Variants in FRMD3 observed in about 807,000 individuals in gnomAD.
The protein encoded by FRMD3 is FERM domain-containing protein 3.
FRMD3 carries 33 observed loss-of-function variants against 70.2 expected under a neutral mutation model. The ratio of observed to expected loss-of-function variants is 0.47; its 90% CI spans 0.36 to 0.63. FRMD3 has a LOEUF of 0.63. Among genes scored for constraint, FRMD3 ranks in the 20% least tolerant of loss-of-function variants. The pLI, the probability that FRMD3 is intolerant of heterozygous loss-of-function variation, is 0.00. For synonymous variants in FRMD3, 279 were observed against 255.9 expected, an observed-to-expected ratio of 1.09 and a Z score of -0.86; for missense variants, 632 against 711.4, an observed-to-expected ratio of 0.89 and a Z score of 1.27.
rs1832061504 is a variant in FRMD3 at position 83,245,729 on chromosome 9, TTA to T, written c.*2187_*2188del. The T allele has an allele frequency of 1.0e-6, 1 of 984,176 alleles. No individual in the cohort carries two copies. Among genetic ancestry groups the T allele is most frequent in the Non-Finnish European group, 1.2e-6 (1 of 829,024 alleles). The allele number at this position is 984,176 out of a possible 1,614,324, so 61.0% of individuals were successfully genotyped here. On this transcript the variant is annotated 3_prime_UTR_variant, in exon 14 of 14. Transcript: ENST00000304195. ...GTCATAGTCAGAACTTTAGAGAAAA[TTA>T]TATGACGCATGATCAGAAGGGGACT...
chr9:83,267,027 T>C, intron 13 of FRMD3: 1 of 1,550,976 alleles, frequency 6.4e-7, no homozygotes, highest in South Asian at 1.2e-5. Flanking sequence ...TTACGAGCTG[T>C]GACCTTGGAG....
chr9:83,482,576 T>C (rs1828592981), intron 1 of FRMD3, among the ~76,000 whole-genome samples: 1 of 152,124 alleles, frequency 6.6e-6, no homozygotes, highest in Non-Finnish European at 1.5e-5. Context: ...AGATAAGAAA[T>C]GCAAATTTTT....
chr9:83,315,545 T>C (rs1835536739), intron 6 of FRMD3, among the ~76,000 whole-genome samples: 1 of 152,094 alleles, frequency 6.6e-6, no homozygotes, highest in South Asian at 2.1e-4. Context: ...TGTTTACAAG[T>C]GTGTAGCACC....
intron 13 of FRMD3, among the ~76,000 whole-genome samples, chr9:83,264,900 TACCACGTGAAA>T (rs1833168274): frequency 6.6e-6 from 1 of 151,582 alleles, no homozygotes; most frequent in African/African-American, 2.4e-5. Context: ...AAAAATTAGA[TACCACGTGAAA>T]TTGCCAATTT....
At chr9:83,414,445 C>T (rs1016728146) in intron 1 of FRMD3, among the ~76,000 whole-genome samples, 2 of 151,900 alleles carry the variant, frequency 1.3e-5, no homozygotes, top group African/African-American at 2.4e-5. Flanking sequence ...TTAAACGGAA[C>T]ACAGAAAGCA....
rs112030440 is a variant in FRMD3 at position 83,457,872 on chromosome 9, T to C, written c.148-68164A>G. Among the ~76,000 whole-genome samples the C allele has an allele frequency of 7.0e-3, 1,065 of 152,152 alleles. 12 individuals are homozygous for C. Among genetic ancestry groups the C allele is most frequent in the African/African-American group, 0.024 (1,002 of 41,506 alleles). Reference sequence around the variant, plus strand: ...TGGTAATCACTTCACCATGTATACATATATCAAAACATCACATTGTACACT... The same window carrying C: ...TGGTAATCACTTCACCATGTATACACATATCAAAACATCACATTGTACACT... On this transcript the variant is annotated intron_variant, in intron 1 of 13. Coordinates refer to ENST00000304195, the MANE Select transcript of FRMD3 (RefSeq NM_174938.6).
chr9:83,577,702 A>G, the FRMD3 span, among the ~76,000 whole-genome samples: 1 of 152,038 alleles, frequency 6.6e-6, no homozygotes, highest in South Asian at 2.1e-4. Context: ...AAAGAACTGG[A>G]CTTTATTGTT....
At chr9:83,445,379 T>TAGACAGAC (rs150063251) in intron 1 of FRMD3, among the ~76,000 whole-genome samples, 81 of 150,978 alleles carry the variant, frequency 5.4e-4, no homozygotes, top group African/African-American at 1.9e-3. Context: ...GATAGATAGA[T>TAGACAGAC]AGACAGATAG....
chr9:83,549,344 C>T, the FRMD3 span, among the ~76,000 whole-genome samples: 1 of 152,006 alleles, frequency 6.6e-6, no homozygotes. Flanking sequence ...TTTGTTTATC[C>T]AGTTTGTTAC....
intron 1 of FRMD3, among the ~76,000 whole-genome samples, chr9:83,462,385 C>G (rs1828001144): frequency 6.6e-6 from 1 of 152,174 alleles, no homozygotes; most frequent in African/African-American, 2.4e-5. Context: ...GTCTTATCCT[C>G]TAGTCCTCAA....
chr9:83,317,130 T>TA (rs991948259), intron 6 of FRMD3, among the ~76,000 whole-genome samples: 143 of 146,648 alleles, frequency 9.8e-4, no homozygotes, highest in African/African-American at 3.3e-3. Flanking sequence ...GATCCTGTCT[T>TA]AAAAAAAAAA....
intron 1 of FRMD3, among the ~76,000 whole-genome samples, chr9:83,475,254 T>G (rs1260019316): frequency 6.6e-6 from 1 of 152,012 alleles, no homozygotes; most frequent in Admixed American, 6.6e-5. Context: ...GGGTGACAAT[T>G]TCACCAAAGA....
At chr9:83,553,673 T>C in the FRMD3 span, among the ~76,000 whole-genome samples, 2 of 152,230 alleles carry the variant, frequency 1.3e-5, no homozygotes, top group East Asian at 1.9e-4. Flanking sequence ...TGTGATGGCA[T>C]TGTGAAATTT....
chr9:83,335,160 A>C (rs1823534457), intron 6 of FRMD3, among the ~76,000 whole-genome samples: 1 of 152,210 alleles, frequency 6.6e-6, no homozygotes, highest in African/African-American at 2.4e-5. Flanking sequence ...AGCTATGGCC[A>C]CCGGTGGGAA....
At chr9:83,582,836 T>C in the FRMD3 span, among the ~76,000 whole-genome samples, 1 of 152,160 alleles carries the variant, frequency 6.6e-6, no homozygotes. Context: ...TTGGCCTAGA[T>C]TTGAGATCAG....
At chr9:83,372,799 C>CA (rs1035889964) in intron 3 of FRMD3, 114 bp downstream of exon 3, 2 of 916,808 alleles carry the variant, frequency 2.2e-6, no homozygotes, top group African/African-American at 3.5e-5. Flanking sequence ...AGCCCCCACA[C>CA]CCCCCAACAC....
At chr9:83,563,306 T>C in the FRMD3 span, among the ~76,000 whole-genome samples, 35 of 152,174 alleles carry the variant, frequency 2.3e-4, no homozygotes, top group Non-Finnish European at 7.4e-5. Context: ...CATGCAGGTG[T>C]CCTGGGTGAG....
chr9:83,354,359 A>C (rs1824266989), intron 3 of FRMD3, among the ~76,000 whole-genome samples: 1 of 152,244 alleles, frequency 6.6e-6, no homozygotes, highest in Non-Finnish European at 1.5e-5. Context: ...CAGCAACATG[A>C]ATGTAGCTGG....
chr9:83,389,547 T>C lies in FRMD3; in HGVS notation c.252+57A>G, dbSNP rs577194230. ...AGGGCTTTGAGAGGAACCCCCACAG[T>C]GCACCACAGTCTGGGTCACTCCCTG... On this transcript the variant is annotated intron_variant, in intron 2 of 13. Coordinates refer to ENST00000304195, the MANE Select transcript of FRMD3 (RefSeq NM_174938.6). 3.7e-4 allele frequency: 409 copies of C among 1,119,382 alleles called. 9 individuals are homozygous for C. In the South Asian group the frequency reaches 4.3e-3, roughly 12 times the overall value. The allele number at this position is 1,119,382 out of a possible 1,614,324, so 69.3% of individuals were successfully genotyped here.
Sources: allele counts gnomAD v4.1 joint callset (sites outside exome capture counted in the v4.1 genomes callset), GRCh38; gene constraint gnomAD v4.1.1; transcripts MANE v1.5; gene names NCBI Gene and HGNC (gene_info 2026-07-23, HGNC 2026-07-21).